CCT5: variants seen among roughly 807,000 people sequenced by gnomAD.
CCT5 encodes T-complex protein 1 subunit epsilon.
CCT5 carries 6 observed loss-of-function variants against 55.0 expected under a neutral mutation model. The ratio of observed to expected loss-of-function variants is 0.11; its 90% CI spans 0.06 to 0.22. CCT5 has a LOEUF of 0.22. Among genes scored for constraint, CCT5 ranks in the 10% least tolerant of loss-of-function variants. The pLI, the probability that CCT5 is intolerant of heterozygous loss-of-function variation, is 1.00. For synonymous variants in CCT5, 231 were observed against 243.7 expected (o/e 0.95, Z 0.49); for missense variants, 560 against 694.6 (o/e 0.81, Z 2.18).
intron 6 of CCT5, among the ~76,000 whole-genome samples, chr5:10,260,293 A>T (rs1011548233): frequency 6.6e-6 from 1 of 152,202 alleles, no homozygotes; most frequent in Non-Finnish European, 1.5e-5. Flanking sequence ...GGTGCTTCTT[A>T]CTGGAAGCAG....
intron 6 of CCT5, 46 bp downstream of exon 6, chr5:10,258,581 T>G: frequency 6.5e-7 from 1 of 1,543,728 alleles, no homozygotes; most frequent in Non-Finnish European, 9.0e-7. Context: ...TCCCAAAGGG[T>G]ACAGTTAGTT....
chr5:10,264,043 C>G (rs530996440), intron 10 of CCT5, among the ~76,000 whole-genome samples: 40 of 152,238 alleles, frequency 2.6e-4, no homozygotes, highest in African/African-American at 9.1e-4. Context: ...GAGGCCAAGC[C>G]GGGTGGATCA....
rs1168837762 is a variant in CCT5 at position 10,261,706 on chromosome 5, C to G, written c.1140C>G (p.Ser380=). The part of the protein sequence containing the change: ...KMLVIEQCKN[S]RAVTIFIRGG... ...TGGTCATCGAGCAGTGTAAGAACTCCAGAGCTGTAACCATTTTTATTAGAG... is the reference window on the plus strand; with the variant it reads ...TGGTCATCGAGCAGTGTAAGAACTCGAGAGCTGTAACCATTTTTATTAGAG... Residue 380 remains serine, a synonymous_variant, in exon 8 of 11, where the codon TCC becomes TCG. Coordinates refer to ENST00000280326, the MANE Select transcript of CCT5 (RefSeq NM_012073.5). 6.2e-7 allele frequency: 1 copy of G among 1,613,900 alleles called. No individual in the cohort carries two copies. Among genetic ancestry groups the G allele is most frequent in the Non-Finnish European group, 8.5e-7 (1 of 1,179,966 alleles).
At chr5:10,261,426 G>A in intron 7 of CCT5, 134 bp from the exon 8 acceptor site, 1 of 812,600 alleles carries the variant, frequency 1.2e-6, no homozygotes, top group Non-Finnish European at 2.1e-6. Context: ...AACTGGAGAT[G>A]TCTCGGTCAA....
chr5:10,263,639 A>C (rs374811635), intron 10 of CCT5, among the ~76,000 whole-genome samples: 49 of 152,360 alleles, frequency 3.2e-4, no homozygotes, highest in African/African-American at 1.2e-3. Flanking sequence ...CAGCATATAT[A>C]TAACAGCTCT....
At chr5:10,256,570 A>G (rs988512212) in intron 4 of CCT5, among the ~76,000 whole-genome samples, 7 of 152,054 alleles carry the variant, frequency 4.6e-5, no homozygotes, top group Non-Finnish European at 8.8e-5. Flanking sequence ...AAAACTAGCC[A>G]GGCATGGTAG....
chr5:10,261,403 G>A (rs1745953529), intron 7 of CCT5, among the ~76,000 whole-genome samples, 157 bp from the exon 8 acceptor site: 1 of 152,202 alleles, frequency 6.6e-6, no homozygotes, highest in African/African-American at 2.4e-5. Context: ...ACCTAGCAAG[G>A]TGCTTTGGGT....
chr5:10,264,469 G>A (rs1746127946), intron 10 of CCT5, 187 bp from the exon 11 acceptor site: 1 of 579,724 alleles, frequency 1.7e-6, no homozygotes, highest in East Asian at 3.1e-5. Context: ...GTTCCAGAGT[G>A]TCCTTGGAAG....
chr5:10,264,974 G>A lies in CCT5; in HGVS notation c.*191G>A. ...TAATCGTGGGGGTACCATCTCAACTGCTTTTGTATTCATTGTATTAAAAGA... is the reference window on the plus strand; with the variant it reads ...TAATCGTGGGGGTACCATCTCAACTACTTTTGTATTCATTGTATTAAAAGA... On this transcript the variant is annotated 3_prime_UTR_variant, in exon 11 of 11. Transcript: ENST00000280326. 1.6e-6 allele frequency: 1 copy of A among 622,720 alleles called. No homozygotes were observed. Among genetic ancestry groups the A allele is most frequent in the Non-Finnish European group, 2.8e-6 (1 of 363,430 alleles). 38.6% of individuals were successfully genotyped at this position (622,720 alleles called of 1,614,324 possible).
chr5:10,261,529 C>A, intron 7 of CCT5, 31 bp from the exon 8 acceptor site: 1 of 1,610,012 alleles, frequency 6.2e-7, no homozygotes, highest in South Asian at 1.1e-5. Flanking sequence ...CCAGTACTGT[C>A]TTCATCCTTC....
In CCT5 at chr5:10,261,612, C is replaced by T. The variant is rs762786367; in HGVS notation, c.1046C>T (p.Thr349Ile). 3.1e-6 allele frequency: 5 copies of T among 1,614,082 alleles called. No individual in the cohort carries two copies. Among genetic ancestry groups the T allele is most frequent in the East Asian group, 2.2e-5 (1 of 44,900 alleles). Residue 349 changes from threonine (T) to isoleucine (I), a missense_variant, in exon 8 of 11, where the codon ACA (threonine) becomes ATA (isoleucine). By Grantham distance (89) the Thr-to-Ile change is moderately conservative. This residue lies in a region of CCT5 where 256 missense variants were observed against 372.4 expected (regional missense o/e 0.69). Transcript: ENST00000280326. Reference sequence around the variant, plus strand: ...ATCGTCCCCAGGTTCTCAGAGCTCACAGCCGAGAAGCTGGGCTTTGCTGGT... The same window carrying T: ...ATCGTCCCCAGGTTCTCAGAGCTCATAGCCGAGAAGCTGGGCTTTGCTGGT... Reference protein sequence around the residue: ...GRIVPRFSELTAEKLGFAGLV... With the variant: ...GRIVPRFSELIAEKLGFAGLV...
intron 6 of CCT5, among the ~76,000 whole-genome samples, chr5:10,259,400 A>C (rs935400077): frequency 6.6e-6 from 1 of 152,216 alleles, no homozygotes; most frequent in African/African-American, 2.4e-5. Context: ...TTCTTGGGAA[A>C]GTTGTTGAAT....
In CCT5 at chr5:10,258,248, A is replaced by T. The variant is rs1248524264; in HGVS notation, c.668A>T (p.Lys223Ile). The T allele has an allele frequency of 1.2e-6, 2 of 1,614,222 alleles. No homozygotes were observed. Among genetic ancestry groups the T allele is most frequent in the East Asian group, 4.5e-5 (2 of 44,890 alleles). The change falls in exon 5 of 11, where the codon AAA becomes ATA. Residue 223 changes from lysine to isoleucine, a missense_variant. Lys to Ile is a moderately radical substitution (Grantham distance 102). This residue lies in a region of CCT5 where 256 missense variants were observed against 372.4 expected (regional missense o/e 0.69). Transcript: ENST00000280326. ...GKVGGRLEDT[K>I]LIKGVIVDKD... ...GTGGGCGGCAGGCTGGAGGACACTA[A>T]ACTGATTAAGGGCGTGATTGTGGAC... is the stretch of plus-strand genomic sequence containing the variant.
At chr5:10,256,944 C>G (rs1745713853) in intron 4 of CCT5, among the ~76,000 whole-genome samples, 1 of 152,240 alleles carries the variant, frequency 6.6e-6, no homozygotes, top group Non-Finnish European at 1.5e-5. Flanking sequence ...CACAGCTCTT[C>G]TCCCAGGAGA....
At chr5:10,250,536 C>T in intron 1 of CCT5, 91 bp downstream of exon 1, 4 of 1,561,512 alleles carry the variant, frequency 2.6e-6, no homozygotes, top group African/African-American at 1.4e-5. Context: ...GCGGCTCTGC[C>T]ATGTGCTCCC....
intron 1 of CCT5, among the ~76,000 whole-genome samples, chr5:10,251,806 C>G (rs963756774): frequency 2.6e-5 from 4 of 152,200 alleles, no homozygotes; most frequent in Admixed American, 2.6e-4. Flanking sequence ...TTATTTTCCA[C>G]TTAACAGGGA....
At position 10,265,621 on chromosome 5, in the gene CCT5, T is replaced by C. The variant is rs372723866; in HGVS notation, c.*838T>C. On this transcript the variant is annotated 3_prime_UTR_variant, in exon 11 of 11. Transcript: ENST00000280326. ...CTCCGAGAACTCTACCGGGATTGTCTGTTCTGACAACCCAGTGAGGCAGAT... is the reference window on the plus strand; with the variant it reads ...CTCCGAGAACTCTACCGGGATTGTCCGTTCTGACAACCCAGTGAGGCAGAT... 1.3e-5 allele frequency: 2 copies of C among 152,004 alleles called. No individual in the cohort carries two copies. Among genetic ancestry groups the C allele is most frequent in the South Asian group, 4.2e-4 (2 of 4,812 alleles). 9.4% of individuals were successfully genotyped at this position (152,004 alleles called of 1,614,324 possible).
At chr5:10,252,926 AAAT>A (rs898704784) in intron 1 of CCT5, among the ~76,000 whole-genome samples, 62 of 152,040 alleles carry the variant, frequency 4.1e-4, no homozygotes, top group East Asian at 3.9e-4. Context: ...TTCTCCTTAA[AAAT>A]AATAATAATA....
At position 10,260,922 on chromosome 5, in the gene CCT5, C is replaced by T. The variant is rs1447680567; in HGVS notation, c.993+11C>T. 4 of 1,613,652 alleles carry T rather than the reference C, an allele frequency of 2.5e-6. No homozygotes were observed. In the African/African-American group the frequency reaches 5.3e-5, roughly 22 times the overall value. ...GGACCTGAAATTGAGGTAGGATGTT[C>T]CACGTGAAGAGACTTTGAGAAGTAG... On this transcript the variant is annotated intron_variant, in intron 7 of 10. Coordinates refer to ENST00000280326, the MANE Select transcript of CCT5 (RefSeq NM_012073.5).
Sources: allele counts gnomAD v4.1 joint callset (sites outside exome capture counted in the v4.1 genomes callset), GRCh38; gene constraint gnomAD v4.1.1; regional missense constraint gnomAD v4.1.1; transcripts MANE v1.5; gene names NCBI Gene and HGNC (gene_info 2026-07-23, HGNC 2026-07-21).